The following LRRC4C variants were observed in gnomAD, a reference collection of about 807,000 sequenced individuals.
LRRC4C encodes leucine-rich repeat-containing protein 4C.
Under a neutral mutation model 33.6 loss-of-function variants are expected in LRRC4C, and 5 were observed. That is an observed-to-expected ratio of 0.15 (90% CI 0.08 to 0.31). The LOEUF (loss-of-function observed/expected upper bound fraction) is 0.31, where lower values mean the gene tolerates loss of function less well. Among genes scored for constraint, LRRC4C ranks in the 10% least tolerant of loss-of-function variants. The pLI, the probability that LRRC4C is intolerant of heterozygous loss-of-function variation, is 1.00. For synonymous variants in LRRC4C, 329 were observed against 302.0 expected (o/e 1.09, Z -0.93); for missense variants, 560 against 796.7 (o/e 0.70, Z 3.58).
intron 3 of LRRC4C, among the ~76,000 whole-genome samples, chr11:40,598,742 C>T (rs968682742): frequency 6.6e-5 from 10 of 152,082 alleles, no homozygotes; most frequent in Non-Finnish European, 1.3e-4. Flanking sequence ...AAGATGGGAA[C>T]AGGGAAGTGG....
At chr11:40,375,866 C>A (rs1370715918) in intron 3 of LRRC4C, among the ~76,000 whole-genome samples, 1 of 152,162 alleles carries the variant, frequency 6.6e-6, no homozygotes, top group Non-Finnish European at 1.5e-5. Context: ...CCAGCTTTCA[C>A]TTCCAGCCAT....
rs569004650 is a variant in LRRC4C at position 41,256,685 on chromosome 11, T to C, written c.-496+202746A>G. Among the ~76,000 whole-genome samples, 179 of 152,086 alleles carry C rather than the reference T, an allele frequency of 1.2e-3. 1 individual carries two copies. The highest frequency in any genetic ancestry group is 4.2e-3 in the African/African-American group (173 of 41,526). On this transcript the variant is annotated intron_variant, in intron 1 of 6. Coordinates refer to ENST00000528697, the MANE Select transcript of LRRC4C (RefSeq NM_001258419.2). ...TTTCATTAACATTAAAATAACCACC[T>C]CTCATATCATGCGTGTTGTCTTACA...
At chr11:40,626,434 A>T (rs1279066894) in intron 3 of LRRC4C, among the ~76,000 whole-genome samples, 2 of 152,132 alleles carry the variant, frequency 1.3e-5, no homozygotes, top group Non-Finnish European at 2.9e-5. Context: ...CAAAAGTTCC[A>T]TGAGATTTTT....
intron 3 of LRRC4C, among the ~76,000 whole-genome samples, chr11:40,536,863 C>T (rs1007078632): frequency 2.0e-5 from 3 of 152,134 alleles, no homozygotes; most frequent in Non-Finnish European, 4.4e-5. Flanking sequence ...TTCTCCACAG[C>T]CATTGTCATC....
chr11:41,227,790 T>C (rs1220985979), intron 1 of LRRC4C, among the ~76,000 whole-genome samples: 6 of 152,184 alleles, frequency 3.9e-5, no homozygotes, highest in Non-Finnish European at 7.4e-5. Context: ...TATTCTTTAG[T>C]TGGTATGTAT....
chr11:40,284,094 A>G (rs187022364), intron 4 of LRRC4C, among the ~76,000 whole-genome samples: 20 of 152,338 alleles, frequency 1.3e-4, no homozygotes, highest in Non-Finnish European at 2.6e-4. Flanking sequence ...ATATATGAAC[A>G]AAATGTTTGT....
At chr11:40,733,135 G>T (rs191637226) in intron 2 of LRRC4C, among the ~76,000 whole-genome samples, 249 of 139,316 alleles carry the variant, frequency 1.8e-3, no homozygotes, top group South Asian at 1.9e-3. Flanking sequence ...GAGTAGCGTG[G>T]CGAGATCTCG....
chr11:40,750,619 A>G (rs1407896933), intron 2 of LRRC4C, among the ~76,000 whole-genome samples: 1 of 135,576 alleles, frequency 7.4e-6, no homozygotes, highest in Non-Finnish European at 1.5e-5. Flanking sequence ...ACACATGGAC[A>G]CAGGAAGAGG....
chr11:41,329,917 C>T (rs940174599), intron 1 of LRRC4C, among the ~76,000 whole-genome samples: 11 of 152,176 alleles, frequency 7.2e-5, no homozygotes, highest in East Asian at 3.8e-4. Flanking sequence ...GGAAAGCAGA[C>T]ATATCATTAT....
intron 1 of LRRC4C, among the ~76,000 whole-genome samples, chr11:41,396,536 T>A (rs1014878834): frequency 6.6e-6 from 1 of 152,032 alleles, no homozygotes; most frequent in Non-Finnish European, 1.5e-5. Context: ...CTTAATTTGC[T>A]TCACTTAAAA....
intron 1 of LRRC4C, among the ~76,000 whole-genome samples, chr11:41,178,703 G>C (rs1945313746): frequency 6.6e-6 from 1 of 151,946 alleles, no homozygotes; most frequent in Non-Finnish European, 1.5e-5. Flanking sequence ...CCAGGAATCT[G>C]TTTGTTTGTT....
chr11:41,172,278 G>A (rs1590830934), intron 1 of LRRC4C, among the ~76,000 whole-genome samples: 1 of 152,094 alleles, frequency 6.6e-6, no homozygotes, highest in Non-Finnish European at 1.5e-5. Context: ...AAATAAAATT[G>A]CTGCCACATC....
chr11:40,182,294 C>T (rs1861069198), intron 5 of LRRC4C, among the ~76,000 whole-genome samples: 2 of 152,112 alleles, frequency 1.3e-5, no homozygotes, highest in African/African-American at 4.8e-5. Context: ...CTCCCCACTG[C>T]CTCAACCATC....
intron 5 of LRRC4C, among the ~76,000 whole-genome samples, chr11:40,231,841 A>G (rs1441037351): frequency 6.6e-6 from 1 of 152,174 alleles, no homozygotes; most frequent in Non-Finnish European, 1.5e-5. Flanking sequence ...CCTTATTTAA[A>G]CACTGAAAGT....
chr11:40,451,542 T>C (rs759846789), intron 3 of LRRC4C, among the ~76,000 whole-genome samples: 17 of 151,666 alleles, frequency 1.1e-4, no homozygotes, highest in Non-Finnish European at 1.6e-4. Context: ...TGTGCCACCA[T>C]GCCTGGCAAA....
chr11:40,589,629 C>G (rs1168080063), intron 3 of LRRC4C, among the ~76,000 whole-genome samples: 1 of 152,028 alleles, frequency 6.6e-6, no homozygotes, highest in Non-Finnish European at 1.5e-5. Flanking sequence ...TTGTTCCTTT[C>G]CACGTTTAGT....
At chr11:40,454,295 A>G (rs1244966958) in intron 3 of LRRC4C, among the ~76,000 whole-genome samples, 1 of 151,956 alleles carries the variant, frequency 6.6e-6, no homozygotes, top group African/African-American at 2.4e-5. Flanking sequence ...TAATATCCCT[A>G]TAATCTTCTC....
intron 3 of LRRC4C, among the ~76,000 whole-genome samples, chr11:40,592,664 G>T (rs1489981975): frequency 6.6e-6 from 1 of 152,060 alleles, no homozygotes; most frequent in East Asian, 1.9e-4. Flanking sequence ...GCAGACTAGG[G>T]ACCTACACCC....
chr11:40,273,112 T>C lies in LRRC4C; in HGVS notation c.-175-31514A>G, dbSNP rs190012479. Among the ~76,000 whole-genome samples, 540 of 152,312 alleles carry C rather than the reference T, an allele frequency of 3.5e-3. 2 individuals are homozygous for C. The highest frequency in any genetic ancestry group is 0.012 in the African/African-American group (512 of 41,578). On this transcript the variant is annotated intron_variant, in intron 4 of 6. Coordinates refer to ENST00000528697, the MANE Select transcript of LRRC4C (RefSeq NM_001258419.2). ...CTTGCTTTAAATACACTTTAAGCTT[T>C]AAATGTTCACTATTTCATTTATTTT...
Sources: allele counts gnomAD v4.1 joint callset (sites outside exome capture counted in the v4.1 genomes callset), GRCh38; gene constraint gnomAD v4.1.1; transcripts MANE v1.5; gene names NCBI Gene and HGNC (gene_info 2026-07-23, HGNC 2026-07-21).